The following AFF3 variants were observed in gnomAD, a reference collection of about 807,000 sequenced individuals.
AFF3 encodes ALF transcription elongation factor 3.
In AFF3, 32 loss-of-function variants were observed where a neutral mutation model predicts 129.7. The observed-to-expected ratio is 0.25, with a 90% confidence interval of 0.19 to 0.33. The LOEUF (loss-of-function observed/expected upper bound fraction) is 0.33. Among genes scored for constraint, AFF3 ranks in the 10% least tolerant of loss-of-function variants. The probability of loss-of-function intolerance (pLI) is 1.00; values close to 1 mark genes in which losing one functional copy is unlikely to be tolerated. For missense variants in AFF3, 1,373 were observed against 1,592.0 expected (o/e 0.86, Z 2.34); for synonymous variants, 644 against 635.4 (o/e 1.01, Z -0.20).
chr2:99,605,534 G>A (rs1026250032), intron 13 of AFF3, among the ~76,000 whole-genome samples: 3 of 152,182 alleles, frequency 2.0e-5, no homozygotes, highest in Non-Finnish European at 4.4e-5. Context: ...TGGCCTCAGT[G>A]TAGTGACTGC....
chr2:99,863,974 C>A (rs1691188268), intron 7 of AFF3, among the ~76,000 whole-genome samples: 3 of 152,218 alleles, frequency 2.0e-5, no homozygotes, highest in Admixed American at 6.5e-5. Flanking sequence ...GCAGACATAA[C>A]CATCTACTTG....
chr2:99,731,224 C>T (rs779975796), intron 10 of AFF3, among the ~76,000 whole-genome samples: 1 of 152,180 alleles, frequency 6.6e-6, no homozygotes, highest in Non-Finnish European at 1.5e-5. Flanking sequence ...TCCCAAAGTG[C>T]TGGGATTACA....
intron 13 of AFF3, among the ~76,000 whole-genome samples, chr2:99,604,193 T>A (rs1306481230): frequency 6.6e-6 from 1 of 152,170 alleles, no homozygotes; most frequent in Admixed American, 6.5e-5. Flanking sequence ...TGCAACACTA[T>A]TCACAACAGC....
chr2:99,810,511 C>G (rs977628021), intron 8 of AFF3, among the ~76,000 whole-genome samples: 1 of 152,216 alleles, frequency 6.6e-6, no homozygotes, highest in Admixed American at 6.5e-5. Flanking sequence ...CCTGGGCAAA[C>G]GTGCCACCCG....
At chr2:100,119,235 C>T (rs564371869) in intron 2 of AFF3, among the ~76,000 whole-genome samples, 1 of 152,250 alleles carries the variant, frequency 6.6e-6, no homozygotes, top group South Asian at 2.1e-4. Context: ...CCTTTTTACC[C>T]ACAGGTAAGG....
chr2:99,975,176 T>G (rs1678754021), intron 7 of AFF3, among the ~76,000 whole-genome samples: 2 of 152,228 alleles, frequency 1.3e-5, no homozygotes, highest in South Asian at 4.1e-4. Context: ...GGGTCTTTTC[T>G]CTTGACAGCC....
At chr2:99,805,233 G>A (rs1161156122) in intron 8 of AFF3, among the ~76,000 whole-genome samples, 1 of 152,094 alleles carries the variant, frequency 6.6e-6, no homozygotes, top group Non-Finnish European at 1.5e-5. Context: ...GGTTTCAAAG[G>A]CAAAATGTTA....
Position 99,551,466 on chromosome 2 carries a change from T to C in AFF3, c.*8A>G. 1 of 1,613,818 alleles carries C rather than the reference T, an allele frequency of 6.2e-7. No individual in the cohort carries two copies. The highest frequency in any genetic ancestry group is 8.5e-7 in the Non-Finnish European group (1 of 1,179,954). ...ACCAGAGCCCACTCTGGCCCCAGGG[T>C]GAGGTCCCTATGACAGGTGGGCGCT... On this transcript the variant is annotated 3_prime_UTR_variant, in exon 25 of 25. Coordinates refer to ENST00000672756, the MANE Select transcript of AFF3 (RefSeq NM_001386135.1).
rs768916827 is a variant in AFF3, at chr2:99,649,640, G to A, written c.1170C>T (p.Arg390=). 31 of 1,614,014 alleles carry A rather than the reference G, an allele frequency of 1.9e-5. No homozygotes were observed. The East Asian group carries it at 2.7e-4, about 14-fold the overall frequency. ...EQQAAQRTAL[R]ALSDSAVVQQ... is the part of the protein sequence containing the mutation. ...ACAAAATGTACCTGTCAGAGAGAGC[G>A]CGGAGAGCCGTTCTCTGAGCTGCCT... Residue 390 remains arginine (R), a synonymous_variant, in exon 13 of 25, where the codon CGC becomes CGT. Coordinates refer to ENST00000672756, the MANE Select transcript of AFF3 (RefSeq NM_001386135.1).
At chr2:99,953,026 A>G (rs559350277) in intron 7 of AFF3, among the ~76,000 whole-genome samples, 18 of 152,360 alleles carry the variant, frequency 1.2e-4, no homozygotes, top group Non-Finnish European at 2.5e-4. Context: ...AGGTCCAGTA[A>G]GCACCAAGTG....
At chr2:100,142,331 G>A (rs920760552) in intron 1 of AFF3, among the ~76,000 whole-genome samples, 153 bp downstream of exon 1, 6 of 151,886 alleles carry the variant, frequency 4.0e-5, no homozygotes, top group East Asian at 3.9e-4. Flanking sequence ...GGACCATCTC[G>A]GTGAGGCTGA....
At chr2:100,035,237 C>T (rs907508079) in intron 4 of AFF3, among the ~76,000 whole-genome samples, 8 of 152,192 alleles carry the variant, frequency 5.3e-5, no homozygotes, top group Non-Finnish European at 5.9e-5. Flanking sequence ...TCTGTCAAAA[C>T]AAGGCTGCTT....
intron 8 of AFF3, among the ~76,000 whole-genome samples, chr2:99,814,266 G>A (rs1203557595): frequency 6.6e-6 from 1 of 151,234 alleles, no homozygotes; most frequent in African/African-American, 2.4e-5. Flanking sequence ...ACCCTCAAAG[G>A]ACTTTATATT....
intron 11 of AFF3, among the ~76,000 whole-genome samples, chr2:99,681,234 A>G (rs1452737373): frequency 1.3e-5 from 2 of 152,218 alleles, no homozygotes; most frequent in African/African-American, 4.8e-5. Flanking sequence ...CCATACTCTA[A>G]GTTTTAGTTT....
At chr2:99,866,416 T>C (rs1277779133) in intron 7 of AFF3, among the ~76,000 whole-genome samples, 3 of 152,226 alleles carry the variant, frequency 2.0e-5, no homozygotes, top group Non-Finnish European at 4.4e-5. Flanking sequence ...ACTGCAGAGC[T>C]GGTCTGGGAC....
At chr2:99,974,105 T>C (rs1678649165) in intron 7 of AFF3, among the ~76,000 whole-genome samples, 1 of 152,220 alleles carries the variant, frequency 6.6e-6, no homozygotes, top group Non-Finnish European at 1.5e-5. Context: ...CGGAGGTAAA[T>C]GAAAGTCAAA....
chr2:99,701,739 C>T (rs1381352142), intron 11 of AFF3, among the ~76,000 whole-genome samples: 2 of 152,210 alleles, frequency 1.3e-5, no homozygotes, highest in East Asian at 1.9e-4. Context: ...CGTGTAGCTA[C>T]ACGTAACAGT....
chr2:100,082,243 G>A (rs1689096021), intron 4 of AFF3, among the ~76,000 whole-genome samples: 2 of 152,094 alleles, frequency 1.3e-5, no homozygotes, highest in African/African-American at 2.4e-5. Context: ...ACGAACAAAC[G>A]AATGAATGAA....
intron 7 of AFF3, among the ~76,000 whole-genome samples, chr2:99,906,231 T>C (rs1694706670): frequency 1.3e-5 from 2 of 152,220 alleles, no homozygotes; most frequent in South Asian, 4.1e-4. Context: ...CACTTGATTG[T>C]CTTAACAGCC....
Sources: gnomAD v4.1 joint callset for allele counts (sites outside exome capture counted in the v4.1 genomes callset) on GRCh38, gnomAD v4.1.1 for gene constraint, MANE v1.5 for transcripts, NCBI Gene and HGNC (gene_info 2026-07-23, HGNC 2026-07-21) for gene names.